MAP2: variants seen among roughly 807,000 people sequenced by gnomAD.
MAP2 encodes the protein microtubule-associated protein 2.
MAP2 carries 14 observed loss-of-function variants against 137.6 expected under a neutral mutation model. The ratio of observed to expected loss-of-function variants is 0.10; its 90% CI spans 0.07 to 0.16. The LOEUF is 0.16. MAP2 is among the 10% of genes least tolerant of loss of function. The pLI is 1.00. For missense variants in MAP2, 2,088 were observed against 2,191.5 expected (o/e 0.95, Z 0.94); for synonymous variants, 786 against 782.3 (o/e 1.00, Z -0.08).
intron 1 of MAP2, among the ~76,000 whole-genome samples, chr2:209,480,608 G>A (rs187071067): frequency 4.6e-5 from 7 of 152,118 alleles, no homozygotes; most frequent in Admixed American, 3.9e-4. Flanking sequence ...AGCAGGATTT[G>A]CCAAACATGA....
chr2:209,429,130 T>G (rs1220945281), intron 1 of MAP2, among the ~76,000 whole-genome samples: 1 of 151,782 alleles, frequency 6.6e-6, no homozygotes, highest in African/African-American at 2.4e-5. Flanking sequence ...ATTTTTTGTA[T>G]TTTTAGTAGA....
Position 209,680,657 on chromosome 2 carries a change from G to C in MAP2, c.377-93G>C, listed in dbSNP as rs141856694. ...TGAATCTTTTTCTGAATTTTATAGAGAGGTCTTTTTACAAATGGCAGAACT... is the reference window on the plus strand; with the variant it reads ...TGAATCTTTTTCTGAATTTTATAGACAGGTCTTTTTACAAATGGCAGAACT... On this transcript the variant is annotated intron_variant, in intron 6 of 15. Coordinates refer to ENST00000682079, the MANE Select transcript of MAP2 (RefSeq NM_001375505.1). 3.2e-3 allele frequency: 3,324 copies of C among 1,049,392 alleles called. 41 individuals carry two copies. The highest frequency in any genetic ancestry group is 8.7e-3 in the Middle Eastern group (42 of 4,838). 65.0% of individuals were successfully genotyped at this position (1,049,392 alleles called of 1,614,324 possible).
intron 1 of MAP2, among the ~76,000 whole-genome samples, chr2:209,457,618 T>A (rs1317682156): frequency 6.6e-6 from 1 of 152,186 alleles, no homozygotes; most frequent in Non-Finnish European, 1.5e-5. Context: ...TCTCTGAGCA[T>A]CAAATTCCTC....
chr2:209,532,451 A>G (rs1304925763), intron 2 of MAP2, among the ~76,000 whole-genome samples: 1 of 152,092 alleles, frequency 6.6e-6, no homozygotes, highest in Non-Finnish European at 1.5e-5. Flanking sequence ...ACTAGGTAAT[A>G]TTGTTATCCC....
At chr2:209,668,036 A>G (rs958723949) in intron 5 of MAP2, among the ~76,000 whole-genome samples, 9 of 151,926 alleles carry the variant, frequency 5.9e-5, no homozygotes, top group Admixed American at 3.3e-4. Context: ...TCTCAACTCT[A>G]CCACTCCATC....
intron 14 of MAP2, among the ~76,000 whole-genome samples, chr2:209,728,540 T>C (rs1318687449): frequency 6.6e-6 from 1 of 152,232 alleles, no homozygotes; most frequent in African/African-American, 2.4e-5. Flanking sequence ...TGTAATATAA[T>C]TTCAAGAGGC....
chr2:209,542,013 A>G (rs1268398905), intron 2 of MAP2, among the ~76,000 whole-genome samples: 1 of 152,232 alleles, frequency 6.6e-6, no homozygotes, highest in Non-Finnish European at 1.5e-5. Flanking sequence ...CTTTGCCCAT[A>G]TCCATCAGAG....
chr2:209,637,642 C>G (rs2153567403), intron 4 of MAP2, among the ~76,000 whole-genome samples: 1 of 152,222 alleles, frequency 6.6e-6, no homozygotes, highest in South Asian at 2.1e-4. Context: ...ACCTAACCAT[C>G]AGCCTCACTG....
At position 209,430,005 on chromosome 2, in the gene MAP2, C is replaced by G. The variant is rs562848422; in HGVS notation, c.-222+5729C>G. The stretch of plus-strand genomic sequence containing the variant: ...CTCTCAAATTGGTAATTTTCTCTTC[C>G]CTTAAGAGTCTACCTTTTTGAGCAA... On this transcript the variant is annotated intron_variant, in intron 1 of 15. Coordinates refer to ENST00000682079, the MANE Select transcript of MAP2 (RefSeq NM_001375505.1). Among the ~76,000 whole-genome samples the G allele has an allele frequency of 2.0e-5, 3 of 151,876 alleles. No individual in the cohort carries two copies. The East Asian group carries it at 5.8e-4, about 29-fold the overall frequency.
At chr2:209,629,421 CAAGAGA>C (rs964131327) in intron 4 of MAP2, among the ~76,000 whole-genome samples, 2 of 151,872 alleles carry the variant, frequency 1.3e-5, no homozygotes, top group African/African-American at 2.4e-5. Context: ...GAACATTTGG[CAAGAGA>C]AAGACAAACA....
intron 3 of MAP2, among the ~76,000 whole-genome samples, chr2:209,617,546 A>C (rs945129646): frequency 2.0e-5 from 3 of 152,164 alleles, no homozygotes; most frequent in African/African-American, 7.2e-5. Flanking sequence ...CTTCTAGTTA[A>C]GAAGAGAGCT....
chr2:209,661,685 A>G (rs2043700319), intron 5 of MAP2: 2 of 985,290 alleles, frequency 2.0e-6, no homozygotes, highest in Non-Finnish European at 2.4e-6. Flanking sequence ...CGAGGTTTGT[A>G]TTGTCACGTT....
At chr2:209,729,784 C>A in intron 14 of MAP2, 66 bp from the exon 15 acceptor site, 1 of 1,054,230 alleles carries the variant, frequency 9.5e-7, no homozygotes, top group Non-Finnish European at 1.5e-6. Flanking sequence ...CTACTGCAGT[C>A]ATTTTTGGGA....
At chr2:209,440,339 G>C (rs1056132432) in intron 1 of MAP2, among the ~76,000 whole-genome samples, 2 of 151,422 alleles carry the variant, frequency 1.3e-5, no homozygotes, top group Non-Finnish European at 3.0e-5. Flanking sequence ...GAGAAAACAA[G>C]ATTTGAAAGA....
At chr2:209,543,487 C>T (rs1049389486) in intron 2 of MAP2, among the ~76,000 whole-genome samples, 3 of 152,158 alleles carry the variant, frequency 2.0e-5, no homozygotes, top group Non-Finnish European at 4.4e-5. Flanking sequence ...GTGAAAAGTG[C>T]AGGATGTATG....
At chr2:209,494,432 T>TAAA (rs34659853) in intron 1 of MAP2, among the ~76,000 whole-genome samples, 25 of 135,666 alleles carry the variant, frequency 1.8e-4, no homozygotes, top group African/African-American at 3.2e-4. Context: ...AAAGTATAAT[T>TAAA]AAAAAAAAAA....
intron 1 of MAP2, among the ~76,000 whole-genome samples, chr2:209,439,141 T>C (rs1309724569): frequency 6.6e-6 from 1 of 151,488 alleles, no homozygotes; most frequent in Non-Finnish European, 1.5e-5. Flanking sequence ...TTGGAGAGAA[T>C]AAAATGGAGA....
At chr2:209,485,741 C>T (rs2058300800) in intron 1 of MAP2, among the ~76,000 whole-genome samples, 1 of 152,218 alleles carries the variant, frequency 6.6e-6, no homozygotes, top group African/African-American at 2.4e-5. Context: ...TAATCCCACA[C>T]TAGTCTCCAA....
chr2:209,540,701 G>T (rs2066870353), intron 2 of MAP2, among the ~76,000 whole-genome samples: 1 of 138,962 alleles, frequency 7.2e-6, no homozygotes. Flanking sequence ...TTATTTTGAT[G>T]TTCATGTCAT....
Sources: gnomAD v4.1 joint callset for allele counts (sites outside exome capture counted in the v4.1 genomes callset) on GRCh38, gnomAD v4.1.1 for gene constraint, MANE v1.5 for transcripts, NCBI Gene and HGNC (gene_info 2026-07-23, HGNC 2026-07-21) for gene names.